Variants in PKNOX2 observed in about 807,000 individuals in gnomAD.
PKNOX2 encodes homeobox protein PKNOX2.
PKNOX2 carries 14 observed loss-of-function variants against 53.1 expected under a neutral mutation model. The ratio of observed to expected loss-of-function variants is 0.26; its 90% CI spans 0.17 to 0.41. PKNOX2 has a LOEUF of 0.41. Ranked by LOEUF, PKNOX2 falls within the 10% of genes least tolerant of loss-of-function variation. The probability of loss-of-function intolerance (pLI) is 1.00; values close to 1 mark genes in which losing one functional copy is unlikely to be tolerated. For missense variants in PKNOX2, 496 were observed against 602.8 expected (o/e 0.82, Z 1.85); for synonymous variants, 257 against 242.8 (o/e 1.06, Z -0.54).
At chr11:125,176,784 C>G (rs1270898898) in intron 1 of PKNOX2, among the ~76,000 whole-genome samples, 1 of 152,176 alleles carries the variant, frequency 6.6e-6, no homozygotes, top group African/African-American at 2.4e-5. Context: ...AGGAAGACAG[C>G]TGGGCACCAG....
At chr11:125,252,229 T>C (rs944318727) in intron 2 of PKNOX2, among the ~76,000 whole-genome samples, 1 of 152,102 alleles carries the variant, frequency 6.6e-6, no homozygotes, top group African/African-American at 2.4e-5. Flanking sequence ...CAGAGAGGGC[T>C]TGGCTGATGA....
chr11:125,224,034 G>A (rs1941455412), intron 1 of PKNOX2, among the ~76,000 whole-genome samples: 1 of 152,246 alleles, frequency 6.6e-6, no homozygotes, highest in African/African-American at 2.4e-5. Context: ...CGGCTGCTGC[G>A]GCCTTGCTCA....
At chr11:125,319,162 G>A (rs369207536) in intron 2 of PKNOX2, among the ~76,000 whole-genome samples, 2 of 152,214 alleles carry the variant, frequency 1.3e-5, no homozygotes, top group South Asian at 2.1e-4. Context: ...ACACTTAGAG[G>A]TCACTGTAGG....
At chr11:125,343,173 AAC>A in intron 3 of PKNOX2, among the ~76,000 whole-genome samples, 1 of 152,136 alleles carries the variant, frequency 6.6e-6, no homozygotes, top group East Asian at 1.9e-4. Context: ...CCCTAAGTTG[AAC>A]ATCACTGGCA....
At chr11:125,371,896 C>T (rs933874875) in intron 5 of PKNOX2, among the ~76,000 whole-genome samples, 1 of 152,104 alleles carries the variant, frequency 6.6e-6, no homozygotes, top group African/African-American at 2.4e-5. Context: ...AGGTGGCTTC[C>T]GGACTCTGCC....
intron 6 of PKNOX2, among the ~76,000 whole-genome samples, chr11:125,393,711 TGA>T (rs934312833): frequency 3.2e-4 from 49 of 151,234 alleles, no homozygotes; most frequent in Admixed American, 3.0e-3. Context: ...GTGCCAGGAG[TGA>T]GAGATGGGAG....
chr11:125,189,111 C>T (rs1055879058), intron 1 of PKNOX2, among the ~76,000 whole-genome samples: 7 of 151,896 alleles, frequency 4.6e-5, no homozygotes, highest in Admixed American at 3.9e-4. Flanking sequence ...TTTCCTCTTT[C>T]TTTTGTTCTC....
At chr11:125,274,847 A>G (rs894885310) in intron 2 of PKNOX2, among the ~76,000 whole-genome samples, 1 of 152,192 alleles carries the variant, frequency 6.6e-6, no homozygotes, top group Non-Finnish European at 1.5e-5. Context: ...CCCAACTCCA[A>G]GTTGCTGCAC....
At chr11:125,322,309 C>G (rs777850493) in intron 2 of PKNOX2, among the ~76,000 whole-genome samples, 2 of 152,120 alleles carry the variant, frequency 1.3e-5, no homozygotes, top group East Asian at 1.9e-4. Flanking sequence ...AAATGGGGAA[C>G]AGCAGTGCAG....
chr11:125,175,014 A>G (rs575377108), intron 1 of PKNOX2, among the ~76,000 whole-genome samples: 32 of 152,184 alleles, frequency 2.1e-4, no homozygotes, highest in Non-Finnish European at 3.8e-4. Context: ...GTTTCCAAGG[A>G]ACCTGACTTA....
chr11:125,418,242 T>C (rs1474950705), intron 10 of PKNOX2, among the ~76,000 whole-genome samples: 1 of 152,096 alleles, frequency 6.6e-6, no homozygotes, highest in African/African-American at 2.4e-5. Flanking sequence ...GGGATTCTCA[T>C]GTCTAGCTTC....
At chr11:125,208,427 A>G (rs1392123671) in intron 1 of PKNOX2, among the ~76,000 whole-genome samples, 1 of 152,114 alleles carries the variant, frequency 6.6e-6, no homozygotes, top group African/African-American at 2.4e-5. Context: ...TTTTGATATA[A>G]GGAGTAACAA....
At chr11:125,239,452 A>C (rs1942985553) in intron 2 of PKNOX2, among the ~76,000 whole-genome samples, 1 of 152,084 alleles carries the variant, frequency 6.6e-6, no homozygotes, top group Non-Finnish European at 1.5e-5. Flanking sequence ...GTTTGTCCTC[A>C]TTTTTTATTT....
Position 125,432,250 on chromosome 11 carries a change from G to GT in PKNOX2, c.*864dup, listed in dbSNP as rs35969676. ...TAGCTCCTTTAACAACAGGACAATGGTTTTTTACCCTAGATGTTCCCACCT... is the reference window on the plus strand; with the variant it reads ...TAGCTCCTTTAACAACAGGACAATGGTTTTTTTACCCTAGATGTTCCCACCT... On this transcript the variant is annotated 3_prime_UTR_variant, in exon 13 of 13. Transcript: ENST00000298282. 41,288 of 152,342 alleles carry GT rather than the reference G, an allele frequency of 0.27. 6,332 individuals carry two copies. The highest frequency in any genetic ancestry group is 0.4 in the Admixed American group (6,059 of 15,266). 9.4% of individuals were successfully genotyped at this position (152,342 alleles called of 1,614,324 possible).
chr11:125,251,268 G>A (rs989332509), intron 2 of PKNOX2, among the ~76,000 whole-genome samples: 4 of 151,900 alleles, frequency 2.6e-5, no homozygotes, highest in Non-Finnish European at 4.4e-5. Context: ...TTATCATTTC[G>A]CCCAACTCCT....
At chr11:125,230,113 T>C (rs1284125916) in intron 1 of PKNOX2, among the ~76,000 whole-genome samples, 2 of 152,194 alleles carry the variant, frequency 1.3e-5, no homozygotes, top group Admixed American at 6.5e-5. Flanking sequence ...CCAGGTCCTT[T>C]GCAACTGGGT....
intron 5 of PKNOX2, among the ~76,000 whole-genome samples, chr11:125,369,392 G>A (rs1164236886): frequency 1.3e-5 from 2 of 152,190 alleles, no homozygotes; most frequent in Non-Finnish European, 2.9e-5. Flanking sequence ...GAAAGGTCAA[G>A]CTAGCCACCC....
chr11:125,322,992 T>C (rs1156857583), intron 2 of PKNOX2, among the ~76,000 whole-genome samples: 2 of 152,184 alleles, frequency 1.3e-5, no homozygotes, highest in Non-Finnish European at 2.9e-5. Flanking sequence ...TTATTAACAC[T>C]GGACCAAGGC....
intron 2 of PKNOX2, among the ~76,000 whole-genome samples, chr11:125,267,262 T>C (rs1014954308): frequency 1.3e-5 from 2 of 152,204 alleles, no homozygotes; most frequent in African/African-American, 2.4e-5. Flanking sequence ...CTCATGTGTG[T>C]GTTCCCGTAC....
Sources: allele counts gnomAD v4.1 joint callset (sites outside exome capture counted in the v4.1 genomes callset), GRCh38; gene constraint gnomAD v4.1.1; transcripts MANE v1.5; gene names NCBI Gene and HGNC (gene_info 2026-07-23, HGNC 2026-07-21).